Variants in COL9A3 observed in about 807,000 individuals in gnomAD.
The protein encoded by COL9A3 is collagen alpha-3(IX) chain.
COL9A3 carries 82 observed loss-of-function variants against 110.2 expected under a neutral mutation model. The ratio of observed to expected loss-of-function variants is 0.74; its 90% CI spans 0.62 to 0.89. The LOEUF (loss-of-function observed/expected upper bound fraction) is 0.89. COL9A3 is among the 40% of genes least tolerant of loss of function. The pLI is 0.00. For synonymous variants in COL9A3, 494 were observed against 403.8 expected, an observed-to-expected ratio of 1.22 and a Z score of -2.68; for missense variants, 1,066 against 981.3, an observed-to-expected ratio of 1.09 and a Z score of -1.15.
In COL9A3 at chr20:62,818,526, T is replaced by C. The variant is rs1269666319; in HGVS notation, c.156T>C (p.Ala52=). The change falls in exon 3 of 32, where the codon GCT becomes GCC. Residue 52 remains alanine, a synonymous_variant. Coordinates refer to ENST00000649368, the MANE Select transcript of COL9A3 (RefSeq NM_001853.4). Reference sequence around the variant, plus strand: ...GGTGTCTTTCCTCACAGGGAGAAGCTGGTCCTCCAGGTCTGCCTGGGCCCC... The same window carrying C: ...GGTGTCTTTCCTCACAGGGAGAAGCCGGTCCTCCAGGTCTGCCTGGGCCCC... ...KPGQDGIDGE[A]GPPGLPGPPG... 6.2e-7 allele frequency: 1 copy of C among 1,613,136 alleles called. No individual in the cohort carries two copies.
At chr20:62,836,986 C>T in intron 29 of COL9A3, 97 bp from the exon 30 acceptor site, 1 of 1,482,518 alleles carries the variant, frequency 6.7e-7, no homozygotes, top group Non-Finnish European at 9.3e-7. Context: ...AAACTTGCTT[C>T]TGGAAGACAG....
At position 62,829,077 on chromosome 20, in the gene COL9A3, C is replaced by T. The variant is rs2063576005; in HGVS notation, c.1008+101C>T. 1.2e-5 allele frequency: 15 copies of T among 1,293,964 alleles called. No individual in the cohort carries two copies. In the East Asian group the frequency reaches 3.8e-4, roughly 33 times the overall value. The allele number at this position is 1,293,964 out of a possible 1,614,324, so 80.2% of individuals were successfully genotyped here. A position where few individuals can be genotyped will look rare whatever the true frequency, so the allele number is the denominator to read the frequency against. ...GGGTTGGTCACTGTAGGGCCGACTC[C>T]CTGTGAGGGGTTCTGGGGCCTGTGT... On this transcript the variant is annotated intron_variant, in intron 19 of 31. Coordinates refer to ENST00000649368, the MANE Select transcript of COL9A3 (RefSeq NM_001853.4).
At chr20:62,837,946 G>A (rs373570857) in intron 30 of COL9A3, among the ~76,000 whole-genome samples, 8 of 152,292 alleles carry the variant, frequency 5.3e-5, no homozygotes, top group Admixed American at 2.0e-4. Context: ...GTGAAACCCC[G>A]CCTCTACTAA....
chr20:62,826,411 GC>G (rs2063552986), intron 14 of COL9A3, among the ~76,000 whole-genome samples, 154 bp downstream of exon 14: 1 of 152,214 alleles, frequency 6.6e-6, no homozygotes, highest in African/African-American at 2.4e-5. Context: ...CTTGCTCTGG[GC>G]CCCTGTTCTC....
intron 26 of COL9A3, 72 bp downstream of exon 26, chr20:62,833,136 C>A: frequency 7.8e-7 from 1 of 1,280,152 alleles, no homozygotes; most frequent in South Asian, 1.2e-5. Flanking sequence ...GGGAACAGTC[C>A]TGGGGACAGG....
Position 62,836,261 on chromosome 20 carries a change from CG to C in COL9A3, c.1479del (p.Gly496ValfsTer37). On this transcript the variant is annotated frameshift_variant, in exon 28 of 32. Transcript: ENST00000649368. LOFTEE classifies it high-confidence loss of function. Reference sequence around the variant, plus strand: ...GCACCAGCGGTGTTCAGGGTGTCCCCGGGCCCCCCGGTCCTCTGGGCCTGCA... The same window carrying C: ...GCACCAGCGGTGTTCAGGGTGTCCCCGGCCCCCCGGTCCTCTGGGCCTGCA... ...NGTSGVQGVP[G>X]PPGPLGLQGV... 6.2e-7 allele frequency: 1 copy of C among 1,613,768 alleles called. No homozygotes were observed. Among genetic ancestry groups the C allele is most frequent in the Non-Finnish European group, 8.5e-7 (1 of 1,179,988 alleles).
At chr20:62,816,905 C>T (rs947228542), upstream of COL9A3, among the ~76,000 whole-genome samples, 4 of 150,674 alleles carry the variant, frequency 2.7e-5, no homozygotes, top group Non-Finnish European at 4.4e-5. Context: ...TGGGCGGCGG[C>T]GCGGGGCGGG....
chr20:62,835,995 G>A (rs374489313), intron 27 of COL9A3, 42 bp downstream of exon 27: 35 of 1,613,852 alleles, frequency 2.2e-5, no homozygotes, highest in Admixed American at 1.3e-4. Context: ...ATCCATGGGC[G>A]CCTGCTGGCT....
chr20:62,817,386 G>T, intron 1 of COL9A3, 181 bp from the exon 2 acceptor site: 1 of 536,414 alleles, frequency 1.9e-6, no homozygotes, highest in Non-Finnish European at 3.2e-6. Flanking sequence ...TGTTCCCGCC[G>T]CCGGAGGGAG....
In COL9A3 at chr20:62,838,747, ACCAGGGGCCCCAAGGTACGAGT is replaced by A. The variant is rs1435073810; in HGVS notation, c.1854_1864+11del. On this transcript the variant is annotated splice_donor_variant and splice_donor_5th_base_variant and coding_sequence_variant and intron_variant, in exon 31 of 32. Transcript: ENST00000649368. LOFTEE classifies it high-confidence loss of function. ...GCAGGGCTGGACGGGCCTGAAGGAG[ACCAGGGGCCCCAAGGTACGAGT>A]CCACGGCCAGCAAGGCTTCACTGGG... 6.4e-7 allele frequency: 1 copy of A among 1,551,910 alleles called. No individual in the cohort carries two copies. Among genetic ancestry groups the A allele is most frequent in the South Asian group, 1.2e-5 (1 of 84,076 alleles).
At chr20:62,824,371 C>A in intron 10 of COL9A3, 74 bp from the exon 11 acceptor site, 1 of 1,419,756 alleles carries the variant, frequency 7.0e-7, no homozygotes, top group South Asian at 1.2e-5. Context: ...TGGGGTCCCG[C>A]GGGCGCTGAC....
At position 62,825,760 on chromosome 20, in the gene COL9A3, G is replaced by C. The variant is rs551167324; in HGVS notation, c.631-57G>C. 1.2e-5 allele frequency: 19 copies of C among 1,526,418 alleles called. 1 individual carries two copies. In the South Asian group the frequency reaches 2.3e-4, roughly 18 times the overall value. 94.6% of individuals were successfully genotyped at this position (1,526,418 alleles called of 1,614,324 possible). A position where few individuals can be genotyped will look rare whatever the true frequency, so the allele number is the denominator to read the frequency against. ...CTTGAGTAGGGTGACTGGAGGCACC[G>C]AAAGGTGCAAGGAGAGCCAGACTGG... On this transcript the variant is annotated intron_variant, in intron 12 of 31. Transcript: ENST00000649368.
At position 62,822,452 on chromosome 20, in the gene COL9A3, TGGG is replaced by T. The variant is rs1041996181; in HGVS notation, c.478-136_478-134del. 3.0e-4 allele frequency: 254 copies of T among 850,638 alleles called. No homozygotes were observed. In the Middle Eastern group the frequency reaches 6.5e-3, roughly 22 times the overall value. The allele number at this position is 850,638 out of a possible 1,614,324, so 52.7% of individuals were successfully genotyped here. ...CCAGCAGCTCCCAGCACTGGCCACT[TGGG>T]GGACAGGATGAAGGGTCTCCAAGTC... On this transcript the variant is annotated intron_variant, in intron 9 of 31. Coordinates refer to ENST00000649368, the MANE Select transcript of COL9A3 (RefSeq NM_001853.4).
intron 2 of COL9A3, chr20:62,817,941 G>A: frequency 2.0e-6 from 1 of 488,686 alleles, no homozygotes; most frequent in Non-Finnish European, 4.0e-6. Context: ...CTGAAGTGGG[G>A]AGAGGCACGT....
At chr20:62,838,878 G>A (rs2063654469) in intron 31 of COL9A3, 117 bp downstream of exon 31, 2 of 852,028 alleles carry the variant, frequency 2.3e-6, no homozygotes, top group Non-Finnish European at 3.9e-6. Flanking sequence ...TCTTGGCAAA[G>A]CAGTCTTAGA....
intron 25 of COL9A3, 121 bp downstream of exon 25, chr20:62,832,310 C>A: frequency 9.9e-7 from 1 of 1,009,406 alleles, no homozygotes; most frequent in Non-Finnish European, 1.5e-6. Flanking sequence ...CTCCTTTCTC[C>A]TCTTGCCGTG....
At chr20:62,824,387 C>T (rs377565434) in intron 10 of COL9A3, 58 bp from the exon 11 acceptor site, 92 of 1,520,064 alleles carry the variant, frequency 6.1e-5, no homozygotes, top group East Asian at 3.4e-4. Context: ...CTGACCCCTG[C>T]GTCGGACGTC....
Position 62,838,778 on chromosome 20 carries a change from A to C in COL9A3, c.1864+17A>C, listed in dbSNP as rs1243864972. 6.5e-7 allele frequency: 1 copy of C among 1,548,910 alleles called. No homozygotes were observed. Among genetic ancestry groups the C allele is most frequent in the Non-Finnish European group, 8.7e-7 (1 of 1,144,740 alleles). On this transcript the variant is annotated intron_variant, in intron 31 of 31. Transcript: ENST00000649368. The stretch of plus-strand genomic sequence containing the variant: ...GGCCCCAAGGTACGAGTCCACGGCC[A>C]GCAAGGCTTCACTGGGTGACATCTC...
intron 12 of COL9A3, chr20:62,825,359 T>A (rs1246440766): frequency 3.1e-6 from 1 of 325,174 alleles, no homozygotes; most frequent in African/African-American, 2.1e-5. Context: ...TTTGTGTCTG[T>A]GGCCGGGGCG....
Sources: allele counts gnomAD v4.1 joint callset (sites outside exome capture counted in the v4.1 genomes callset), GRCh38; gene constraint gnomAD v4.1.1; transcripts MANE v1.5; gene names NCBI Gene and HGNC (gene_info 2026-07-23, HGNC 2026-07-21).